Variants in KIF13B observed in about 807,000 individuals in gnomAD.
KIF13B encodes kinesin family member 13B.
In KIF13B, 127 loss-of-function variants were observed where a neutral mutation model predicts 222.0. That is an observed-to-expected ratio of 0.57 (90% CI 0.50 to 0.66). KIF13B has a LOEUF of 0.66. Ranked by LOEUF, KIF13B falls within the 30% of genes least tolerant of loss-of-function variation. The pLI is 0.00. For missense variants in KIF13B, 2,173 were observed against 2,379.0 expected, an observed-to-expected ratio of 0.91 and a Z score of 1.80; for synonymous variants, 976 against 919.0, an observed-to-expected ratio of 1.06 and a Z score of -1.12.
At chr8:29,154,906 T>C (rs1811450326) in intron 14 of KIF13B, among the ~76,000 whole-genome samples, 1 of 152,214 alleles carries the variant, frequency 6.6e-6, no homozygotes. Flanking sequence ...AAATCAGTGA[T>C]ATTAATGATT....
intron 1 of KIF13B, among the ~76,000 whole-genome samples, chr8:29,259,032 C>T (rs1447147253): frequency 6.6e-6 from 1 of 152,128 alleles, no homozygotes; most frequent in Non-Finnish European, 1.5e-5. Context: ...CTAGCTCTTG[C>T]CCATTCCTGT....
At chr8:29,109,612 T>C (rs951408179) in intron 33 of KIF13B, 101 bp from the exon 34 acceptor site, 2 of 929,114 alleles carry the variant, frequency 2.2e-6, no homozygotes, top group African/African-American at 3.2e-5. Context: ...TATACAGACA[T>C]TCCTAGCTAT....
intron 1 of KIF13B, among the ~76,000 whole-genome samples, chr8:29,255,694 T>C (rs1452290302): frequency 6.6e-6 from 1 of 152,134 alleles, no homozygotes; most frequent in Non-Finnish European, 1.5e-5. Context: ...CACTCACTCC[T>C]CAGCCCACTG....
chr8:29,259,409 C>T (rs954742467), intron 1 of KIF13B, among the ~76,000 whole-genome samples: 8 of 152,170 alleles, frequency 5.3e-5, no homozygotes, highest in African/African-American at 4.8e-5. Context: ...GGTTCTACCC[C>T]CTTAGGCTAG....
intron 35 of KIF13B, among the ~76,000 whole-genome samples, chr8:29,103,626 A>C (rs1241085526): frequency 6.6e-6 from 1 of 152,214 alleles, no homozygotes; most frequent in East Asian, 1.9e-4. Flanking sequence ...TTTTAAGATT[A>C]ATTAGTTCAT....
chr8:29,227,686 C>T (rs1415239422), intron 2 of KIF13B, among the ~76,000 whole-genome samples: 1 of 152,184 alleles, frequency 6.6e-6, no homozygotes, highest in Non-Finnish European at 1.5e-5. Context: ...CAGCGGCTCA[C>T]GCCTGTAATC....
intron 13 of KIF13B, 80 bp downstream of exon 13, chr8:29,160,653 G>T: frequency 7.5e-7 from 1 of 1,334,826 alleles, no homozygotes; most frequent in Non-Finnish European, 1.0e-6. Flanking sequence ...AGTAAGCATG[G>T]TTCCCCAAGT....
At chr8:29,257,556 A>G (rs1264057091) in intron 1 of KIF13B, among the ~76,000 whole-genome samples, 1 of 152,234 alleles carries the variant, frequency 6.6e-6, no homozygotes, top group Non-Finnish European at 1.5e-5. Flanking sequence ...AATGCCAATT[A>G]AACAACATTG....
At chr8:29,205,120 T>TG (rs1190658821) in intron 2 of KIF13B, among the ~76,000 whole-genome samples, 1 of 152,034 alleles carries the variant, frequency 6.6e-6, no homozygotes, top group African/African-American at 2.4e-5. Flanking sequence ...GCCCAGGAGA[T>TG]GGAGGCTGTA....
At chr8:29,249,896 T>C (rs772845036) in intron 1 of KIF13B, 1 of 518,618 alleles carries the variant, frequency 1.9e-6, no homozygotes, top group Non-Finnish European at 3.3e-6. Context: ...TTCTGATGTT[T>C]TGTCTTTAAA....
chr8:29,096,962 G>A (rs1808560739), intron 36 of KIF13B, among the ~76,000 whole-genome samples: 1 of 152,014 alleles, frequency 6.6e-6, no homozygotes, highest in African/African-American at 2.4e-5. Context: ...AAATATGGCG[G>A]ACCAGAATGG....
intron 6 of KIF13B, among the ~76,000 whole-genome samples, chr8:29,183,941 T>C (rs1301304156): frequency 1.3e-5 from 2 of 152,168 alleles, no homozygotes; most frequent in Non-Finnish European, 2.9e-5. Context: ...AGGATAGTTC[T>C]AGAATAACCC....
intron 2 of KIF13B, among the ~76,000 whole-genome samples, chr8:29,239,701 C>T (rs926191239): frequency 3.3e-5 from 5 of 152,178 alleles, no homozygotes; most frequent in Admixed American, 1.3e-4. Flanking sequence ...CTTACTCTAT[C>T]GCCCAAGTTG....
At chr8:29,187,345 T>G (rs1380781928) in intron 5 of KIF13B, among the ~76,000 whole-genome samples, 1 of 152,148 alleles carries the variant, frequency 6.6e-6, no homozygotes, top group Non-Finnish European at 1.5e-5. Flanking sequence ...CTGGCCAACA[T>G]GGTGAAACCC....
chr8:29,178,304 C>A (rs913164717), intron 8 of KIF13B, among the ~76,000 whole-genome samples: 21 of 152,076 alleles, frequency 1.4e-4, no homozygotes, highest in African/African-American at 5.1e-4. Flanking sequence ...GACCTTTATA[C>A]AACAGAAGAA....
Position 29,140,162 on chromosome 8 carries a change from C to T in KIF13B, c.2514G>A (p.Met838Ile), listed in dbSNP as rs1348577782. Residue 838 changes from methionine (M) to isoleucine (I), a missense_variant, in exon 21 of 40, where the codon ATG becomes ATA. Physicochemically the swap from Met to Ile is conservative, Grantham distance 10. Transcript: ENST00000524189. ...TCTCCCCAACATCACCACTGAGTCG[C>T]ATCACCTCCACGTGCAGCCGACCTG... ...EVAGRLHVEV[M>I]RLSGDVGERI... 6.2e-7 allele frequency: 1 copy of T among 1,613,834 alleles called. No homozygotes were observed. Among genetic ancestry groups the T allele is most frequent in the East Asian group, 2.2e-5 (1 of 44,874 alleles).
At chr8:29,088,646 T>A (rs1808153410) in intron 37 of KIF13B, among the ~76,000 whole-genome samples, 1 of 152,168 alleles carries the variant, frequency 6.6e-6, no homozygotes, top group Non-Finnish European at 1.5e-5. Flanking sequence ...ATTACTATTT[T>A]AAAAAAATGA....
chr8:29,193,109 A>C (rs1813261343), intron 3 of KIF13B, among the ~76,000 whole-genome samples: 1 of 152,060 alleles, frequency 6.6e-6, no homozygotes, highest in Admixed American at 6.6e-5. Flanking sequence ...CAGGCAGGGG[A>C]GACACCTGTT....
intron 38 of KIF13B, among the ~76,000 whole-genome samples, chr8:29,073,388 CA>C (rs1254539963): frequency 6.6e-6 from 1 of 152,146 alleles, no homozygotes; most frequent in Non-Finnish European, 1.5e-5. Context: ...CACACACACT[CA>C]AAGCCCACAT....
Sources: gnomAD v4.1 joint callset for allele counts (sites outside exome capture counted in the v4.1 genomes callset) on GRCh38, gnomAD v4.1.1 for gene constraint, MANE v1.5 for transcripts, NCBI Gene and HGNC (gene_info 2026-07-23, HGNC 2026-07-21) for gene names.